Variants in DCC observed in about 807,000 individuals in gnomAD.
DCC encodes netrin receptor DCC.
In DCC, 58 loss-of-function variants were observed where a neutral mutation model predicts 172.5. The ratio of observed to expected loss-of-function variants is 0.34; its 90% CI spans 0.27 to 0.42. DCC has a LOEUF of 0.42. DCC is among the 10% of genes least tolerant of loss of function. The pLI, the probability that DCC is intolerant of heterozygous loss-of-function variation, is 1.00. For synonymous variants in DCC, 709 were observed against 644.5 expected (o/e 1.10, Z -1.52); for missense variants, 1,740 against 1,791.0 (o/e 0.97, Z 0.51).
intron 1 of DCC, among the ~76,000 whole-genome samples, chr18:52,635,994 C>T (rs2034771437): frequency 6.6e-6 from 1 of 152,122 alleles, no homozygotes. Context: ...CCTGCAGGAC[C>T]TGGGAGACAC....
intron 13 of DCC, among the ~76,000 whole-genome samples, chr18:53,310,126 A>G (rs550098176): frequency 6.6e-6 from 1 of 152,044 alleles, no homozygotes; most frequent in South Asian, 2.1e-4. Context: ...TTGCATTGCT[A>G]GATATTATGG....
intron 25 of DCC, among the ~76,000 whole-genome samples, chr18:53,469,393 CT>C (rs1239618803): frequency 6.6e-6 from 1 of 152,188 alleles, no homozygotes; most frequent in East Asian, 1.9e-4. Flanking sequence ...CTGTATTTCT[CT>C]AGTGGTTCAT....
chr18:52,674,381 T>G (rs913795657), intron 1 of DCC, among the ~76,000 whole-genome samples: 1 of 152,056 alleles, frequency 6.6e-6, no homozygotes, highest in African/African-American at 2.4e-5. Context: ...AATTGAACCT[T>G]CTCCTTCCAT....
intron 1 of DCC, among the ~76,000 whole-genome samples, chr18:52,519,271 C>T (rs1440866044): frequency 1.3e-5 from 2 of 152,084 alleles, no homozygotes; most frequent in Non-Finnish European, 2.9e-5. Flanking sequence ...CTGGGTTTTG[C>T]TTATAAAGTA....
At chr18:52,656,254 G>A (rs1056027916) in intron 1 of DCC, among the ~76,000 whole-genome samples, 3 of 151,826 alleles carry the variant, frequency 2.0e-5, no homozygotes, top group Admixed American at 6.6e-5. Context: ...TTAGTTCACT[G>A]TGGGCACAGT....
chr18:52,746,493 G>T (rs1371140338), intron 1 of DCC, among the ~76,000 whole-genome samples: 2 of 152,048 alleles, frequency 1.3e-5, no homozygotes, highest in African/African-American at 4.8e-5. Context: ...ACTCCACAGA[G>T]AATTATTTTT....
Position 52,824,043 on chromosome 18 carries a change from T to G in DCC, c.412+71669T>G, listed in dbSNP as rs2145278881. ...GGAGGTGAGAAAAAATAGATTATTT[T>G]CTCAGAAAGGGTGAATTGCAACTCC... On this transcript the variant is annotated intron_variant, in intron 2 of 28. Transcript: ENST00000442544. 1.3e-5 allele frequency among the ~76,000 whole-genome samples: 2 copies of G among 152,284 alleles called. 1 individual carries two copies. The highest frequency in any genetic ancestry group is 4.1e-4 in the South Asian group (2 of 4,826).
intron 1 of DCC, among the ~76,000 whole-genome samples, chr18:52,562,895 G>A (rs566083418): frequency 1.6e-4 from 24 of 152,186 alleles, no homozygotes; most frequent in African/African-American, 5.3e-4. Flanking sequence ...CCCCTAAAGT[G>A]CTGGGATTAC....
At position 53,530,678 on chromosome 18, in the gene DCC, G is replaced by C. The variant is rs1568191052; in HGVS notation, c.*25G>C. 1 of 1,279,824 alleles carries C rather than the reference G, an allele frequency of 7.8e-7. No individual in the cohort carries two copies. Among genetic ancestry groups the C allele is most frequent in the African/African-American group, 1.5e-5 (1 of 68,492 alleles). The allele number at this position is 1,279,824 out of a possible 1,614,324, so 79.3% of individuals were successfully genotyped here. ...ACATGTATTTCTGAATGGATGAGGT[G>C]AATTTTCCGGGAACTTTGCAGCATA... On this transcript the variant is annotated 3_prime_UTR_variant, in exon 29 of 29. Coordinates refer to ENST00000442544, the MANE Select transcript of DCC (RefSeq NM_005215.4).
At chr18:53,255,086 C>A (rs1163961053) in intron 12 of DCC, among the ~76,000 whole-genome samples, 1 of 151,968 alleles carries the variant, frequency 6.6e-6, no homozygotes, top group Non-Finnish European at 1.5e-5. Flanking sequence ...CCTGTTGACA[C>A]CCAAGATATT....
At chr18:52,423,967 A>T (rs1419497862) in intron 1 of DCC, among the ~76,000 whole-genome samples, 1 of 152,118 alleles carries the variant, frequency 6.6e-6, no homozygotes, top group Non-Finnish European at 1.5e-5. Flanking sequence ...TGTCTCTAGG[A>T]CCAAGAATGG....
intron 7 of DCC, among the ~76,000 whole-genome samples, chr18:53,098,433 T>C (rs961117884): frequency 6.6e-6 from 1 of 152,192 alleles, no homozygotes; most frequent in Non-Finnish European, 1.5e-5. Flanking sequence ...CTTTTTCCAT[T>C]TTTCTTTGAC....
At chr18:52,771,746 T>G (rs570423938) in intron 2 of DCC, among the ~76,000 whole-genome samples, 4 of 152,246 alleles carry the variant, frequency 2.6e-5, no homozygotes, top group Admixed American at 2.6e-4. Flanking sequence ...CACTGAAATG[T>G]TTTTTGTTTG....
intron 2 of DCC, among the ~76,000 whole-genome samples, chr18:52,761,246 G>C (rs1157514850): frequency 1.3e-5 from 2 of 152,160 alleles, no homozygotes; most frequent in Non-Finnish European, 2.9e-5. Context: ...TCTTGTGAGA[G>C]TTATTCACTA....
chr18:52,586,819 T>C (rs2144788363), intron 1 of DCC, among the ~76,000 whole-genome samples: 1 of 152,294 alleles, frequency 6.6e-6, no homozygotes, highest in South Asian at 2.1e-4. Context: ...GGCATTGTAA[T>C]TGTGACTTCA....
At chr18:52,497,386 C>CACACATATACATATGTGTATATATGTAT (rs2030838655) in intron 1 of DCC, among the ~76,000 whole-genome samples, 3 of 143,182 alleles carry the variant, frequency 2.1e-5, no homozygotes, top group Admixed American at 1.4e-4. Flanking sequence ...TATATGTATA[C>CACACATATACATATGTGTATATATGTAT]ACACATATAC....
chr18:52,977,476 G>A (rs551181886), intron 5 of DCC, among the ~76,000 whole-genome samples: 78 of 152,272 alleles, frequency 5.1e-4, no homozygotes, highest in African/African-American at 1.8e-3. Context: ...ATCTCAGTGT[G>A]TGAATTCTTT....
chr18:53,066,258 G>A, intron 7 of DCC, 92 bp downstream of exon 7: 1 of 1,118,636 alleles, frequency 8.9e-7, no homozygotes, highest in Non-Finnish European at 1.3e-6. Flanking sequence ...ACCCCTCAAG[G>A]GCAATATGGC....
At chr18:53,340,726 A>G (rs936087337) in intron 15 of DCC, among the ~76,000 whole-genome samples, 4 of 152,292 alleles carry the variant, frequency 2.6e-5, no homozygotes, top group South Asian at 4.2e-4. Flanking sequence ...GGATGCCAGT[A>G]AGTTAAACAA....
Sources: allele counts gnomAD v4.1 joint callset (sites outside exome capture counted in the v4.1 genomes callset), GRCh38; gene constraint gnomAD v4.1.1; transcripts MANE v1.5; gene names NCBI Gene and HGNC (gene_info 2026-07-23, HGNC 2026-07-21).